The following NXPH1 variants were observed in gnomAD, a reference collection of about 807,000 sequenced individuals.
The protein encoded by NXPH1 is neurexophilin-1.
NXPH1 carries 5 observed loss-of-function variants against 23.7 expected under a neutral mutation model. The ratio of observed to expected loss-of-function variants is 0.21; its 90% CI spans 0.11 to 0.44. NXPH1 has a LOEUF of 0.44. Among genes scored for constraint, NXPH1 ranks in the 20% least tolerant of loss-of-function variants. The pLI, the probability that NXPH1 is intolerant of heterozygous loss-of-function variation, is 0.99. For synonymous variants in NXPH1, 144 were observed against 122.2 expected (o/e 1.18, Z -1.18); for missense variants, 324 against 321.6 (o/e 1.01, Z -0.06).
intron 2 of NXPH1, among the ~76,000 whole-genome samples, chr7:8,535,615 G>T (rs914288572): frequency 2.0e-5 from 3 of 151,776 alleles, no homozygotes; most frequent in Non-Finnish European, 4.4e-5. Context: ...AGTAAGGGAA[G>T]AAAGATAGAA....
intron 2 of NXPH1, among the ~76,000 whole-genome samples, chr7:8,438,072 C>T (rs1816227081): frequency 1.3e-5 from 2 of 152,158 alleles, no homozygotes; most frequent in Admixed American, 6.5e-5. Flanking sequence ...AGCAGAATTC[C>T]GAGCTGTTTT....
Position 8,695,922 on chromosome 7 carries a change from T to C in NXPH1, c.55-55086T>C, listed in dbSNP as rs149736727. ...GTATTGTTTCTTAATTTCTTCTTTT[T>C]AAAAATATTGATGTACTCCTTAAAA... On this transcript the variant is annotated intron_variant, in intron 2 of 2. Transcript: ENST00000405863. Among the ~76,000 whole-genome samples, 17 of 152,282 alleles carry C rather than the reference T, an allele frequency of 1.1e-4. No individual in the cohort carries two copies. The East Asian group carries it at 3.3e-3, about 29-fold the overall frequency.
intron 2 of NXPH1, among the ~76,000 whole-genome samples, chr7:8,684,000 G>A (rs774641242): frequency 2.0e-5 from 3 of 152,134 alleles, no homozygotes; most frequent in Admixed American, 6.6e-5. Flanking sequence ...GGAAGGATTT[G>A]GAAATGGAAA....
intron 2 of NXPH1, among the ~76,000 whole-genome samples, chr7:8,748,162 A>T (rs1248446967): frequency 6.6e-6 from 1 of 152,222 alleles, no homozygotes; most frequent in Non-Finnish European, 1.5e-5. Context: ...TTTAGTCCTT[A>T]TTAAAAATTA....
intron 2 of NXPH1, among the ~76,000 whole-genome samples, chr7:8,736,610 T>A (rs942625525): frequency 6.6e-6 from 1 of 152,188 alleles, no homozygotes; most frequent in Non-Finnish European, 1.5e-5. Context: ...ATTCTGTTGA[T>A]TTGGGATGGA....
rs531474287 is a variant in NXPH1 at position 8,656,039 on chromosome 7, C to A, written c.55-94969C>A. On this transcript the variant is annotated intron_variant, in intron 2 of 2. Transcript: ENST00000405863. ...TTAATATTGCATCTCTAGTGCATAG[C>A]AGTTTGGTGGCACAAATTAGATGTA... 1.4e-4 allele frequency among the ~76,000 whole-genome samples: 21 copies of A among 152,260 alleles called. No individual in the cohort carries two copies. The East Asian group carries it at 3.9e-3, about 28-fold the overall frequency.
chr7:8,437,465 C>A (rs1164590687), intron 2 of NXPH1, among the ~76,000 whole-genome samples: 1 of 152,156 alleles, frequency 6.6e-6, no homozygotes, highest in African/African-American at 2.4e-5. Context: ...CCTCTGCATA[C>A]CTTTACGCCT....
chr7:8,685,264 AT>A (rs557433896), intron 2 of NXPH1, among the ~76,000 whole-genome samples: 150 of 148,686 alleles, frequency 1.0e-3, no homozygotes, highest in Admixed American at 1.7e-3. Flanking sequence ...TTTTTTTTTA[AT>A]TAGGTATGTT....
rs527376035 is a variant in NXPH1 at position 8,467,378 on chromosome 7, T to C, written c.54+31611T>C. Among the ~76,000 whole-genome samples the C allele has an allele frequency of 5.3e-5, 8 of 152,328 alleles. No individual in the cohort carries two copies. In the East Asian group the frequency reaches 1.5e-3, roughly 29 times the overall value. ...TAAGGTCATATCATGCACATTTGCA[T>C]ATAGTTGGCATATGATTTACAGAAG... is the stretch of plus-strand genomic sequence containing the variant. On this transcript the variant is annotated intron_variant, in intron 2 of 2. Coordinates refer to ENST00000405863, the MANE Select transcript of NXPH1 (RefSeq NM_152745.3).
chr7:8,734,221 C>T (rs1454299509), intron 2 of NXPH1, among the ~76,000 whole-genome samples: 2 of 152,074 alleles, frequency 1.3e-5, no homozygotes, highest in Admixed American at 1.3e-4. Flanking sequence ...CTGTTATGTT[C>T]CATTGGTTTA....
chr7:8,613,022 T>C (rs375812039), intron 2 of NXPH1, among the ~76,000 whole-genome samples: 3 of 152,122 alleles, frequency 2.0e-5, no homozygotes, highest in South Asian at 2.1e-4. Flanking sequence ...AGATGGTCAG[T>C]GTGTTGCCAA....
intron 2 of NXPH1, among the ~76,000 whole-genome samples, chr7:8,588,783 T>TA (rs1819032089): frequency 1.3e-5 from 2 of 152,124 alleles, no homozygotes; most frequent in Admixed American, 1.3e-4. Flanking sequence ...TGGTGCCAGA[T>TA]ATATACATAA....
intron 2 of NXPH1, among the ~76,000 whole-genome samples, chr7:8,699,256 C>T (rs1032078443): frequency 1.4e-4 from 21 of 152,032 alleles, no homozygotes; most frequent in Non-Finnish European, 2.8e-4. Flanking sequence ...CACAAACTTG[C>T]CTCATACTTG....
chr7:8,459,137 G>A (rs781420742), intron 2 of NXPH1, among the ~76,000 whole-genome samples: 1 of 150,484 alleles, frequency 6.6e-6, no homozygotes, highest in Non-Finnish European at 1.5e-5. Flanking sequence ...GAACATCTTG[G>A]GTTGTCTCTG....
At chr7:8,487,808 G>T (rs1384484894) in intron 2 of NXPH1, among the ~76,000 whole-genome samples, 1 of 152,102 alleles carries the variant, frequency 6.6e-6, no homozygotes, top group African/African-American at 2.4e-5. Flanking sequence ...TTCGGACTGT[G>T]GGAAGGGCTC....
chr7:8,657,180 C>T (rs1265711318), intron 2 of NXPH1, among the ~76,000 whole-genome samples: 25 of 152,108 alleles, frequency 1.6e-4, no homozygotes, highest in Admixed American at 1.6e-3. Context: ...TAAAAGCATA[C>T]AAACATTTAA....
rs78587786 is a variant in NXPH1 at position 8,535,621 on chromosome 7, T to C, written c.54+99854T>C. Among the ~76,000 whole-genome samples the C allele has an allele frequency of 3.5e-3, 527 of 151,610 alleles. 1 individual carries two copies. The highest frequency in any genetic ancestry group is 0.012 in the African/African-American group (498 of 41,350). Reference sequence around the variant, plus strand: ...TCAGAGTCTAGTAAGGGAAGAAAGATAGAAAATAAAAAATCCTAACTATAT... The same window carrying C: ...TCAGAGTCTAGTAAGGGAAGAAAGACAGAAAATAAAAAATCCTAACTATAT... On this transcript the variant is annotated intron_variant, in intron 2 of 2. Coordinates refer to ENST00000405863, the MANE Select transcript of NXPH1 (RefSeq NM_152745.3).
intron 2 of NXPH1, among the ~76,000 whole-genome samples, chr7:8,625,622 C>A (rs1036889340): frequency 1.3e-5 from 2 of 152,002 alleles, no homozygotes; most frequent in African/African-American, 4.8e-5. Context: ...AGAAATCTAC[C>A]AGCTCCTTTT....
At chr7:8,750,293 CAT>C (rs776928064) in intron 2 of NXPH1, among the ~76,000 whole-genome samples, 53 of 152,302 alleles carry the variant, frequency 3.5e-4, no homozygotes, top group South Asian at 8.3e-4. Flanking sequence ...TGTCAGTTGA[CAT>C]ATGTCTGAGA....
Sources: allele counts gnomAD v4.1 joint callset (sites outside exome capture counted in the v4.1 genomes callset), GRCh38; gene constraint gnomAD v4.1.1; transcripts MANE v1.5; gene names NCBI Gene and HGNC (gene_info 2026-07-23, HGNC 2026-07-21).